The following CLCF1 variants were observed in gnomAD, a reference collection of about 807,000 sequenced individuals.
CLCF1 encodes cardiotrophin-like cytokine factor 1.
A neutral mutation model predicts 21.2 loss-of-function variants in CLCF1; 10 were observed. That is an observed-to-expected ratio of 0.47 (90% CI 0.29 to 0.80). CLCF1 has a LOEUF of 0.80. CLCF1 is among the 30% of genes least tolerant of loss of function. The pLI, the probability that CLCF1 is intolerant of heterozygous loss-of-function variation, is 0.09. For synonymous variants in CLCF1, 115 were observed against 120.5 expected, an observed-to-expected ratio of 0.95 and a Z score of 0.30; for missense variants, 240 against 293.4, an observed-to-expected ratio of 0.82 and a Z score of 1.33.
intron 1 of CLCF1, chr11:67,370,016 G>T: frequency 8.1e-6 from 8 of 985,402 alleles, no homozygotes; most frequent in South Asian, 4.7e-5. Context: ...CAGGCTGCGG[G>T]TGGGGGGCAG....
chr11:67,371,854 G>A (rs1359150978), intron 1 of CLCF1, among the ~76,000 whole-genome samples: 4 of 152,144 alleles, frequency 2.6e-5, no homozygotes, highest in African/African-American at 4.8e-5. Flanking sequence ...TGGCGTGCAG[G>A]GGTGGTGTGC....
rs750832975 is a variant in CLCF1, at chr11:67,365,371, G to C, written c.443C>G (p.Ala148Gly). 2 of 1,612,696 alleles carry C rather than the reference G, an allele frequency of 1.2e-6. No homozygotes were observed. The highest frequency in any genetic ancestry group is 1.7e-6 in the Non-Finnish European group (2 of 1,179,484). The part of the protein sequence containing the change: ...TSLQGLLGSI[A>G]GVMAALGYPL... ...GTAGCCCAGAGCTGCCATGACGCCC[G>C]CAATGCTGCCCAGCAGGCCCTGGAG... The change falls in exon 3 of 3, where the codon GCG (alanine) becomes GGG (glycine). Residue 148 changes from alanine (A) to glycine (G), a missense_variant. Transcript: ENST00000312438. This position sits in a 1 kb window ranked among gnomAD's most constrained non-coding sequence, Gnocchi z 5.0.
At chr11:67,369,923 G>A in intron 1 of CLCF1, 1 of 960,976 alleles carries the variant, frequency 1.0e-6, no homozygotes, top group African/African-American at 2.8e-5. Context: ...AGTCATCTGG[G>A]CAGAAAAAAA....
At chr11:67,373,955 G>A (rs976018092), upstream of CLCF1, 67 of 1,004,254 alleles carry the variant, frequency 6.7e-5, no homozygotes, top group African/African-American at 1.1e-3. Flanking sequence ...GGACAGCGCC[G>A]GCTTCGGGTG....
Position 67,373,546 on chromosome 11 carries a change from G to T in CLCF1, c.-7C>A. 7.1e-7 allele frequency: 1 copy of T among 1,402,754 alleles called. No homozygotes were observed. 86.9% of individuals were successfully genotyped at this position (1,402,754 alleles called of 1,614,324 possible). A position where few individuals can be genotyped will look rare whatever the true frequency, so the allele number is the denominator to read the frequency against. On this transcript the variant is annotated 5_prime_UTR_variant, in exon 1 of 3. Transcript: ENST00000312438. Reference sequence around the variant, plus strand: ...TACCTGCTCGGAGGTCCATGGGGCTGGGGCCGGGCCGGCCGGGTGCGGCTC... The same window carrying T: ...TACCTGCTCGGAGGTCCATGGGGCTTGGGCCGGGCCGGCCGGGTGCGGCTC...
chr11:67,364,888 TC>T lies in CLCF1; in HGVS notation c.*247del. 1.7e-6 allele frequency: 1 copy of T among 581,096 alleles called. No individual in the cohort carries two copies. The highest frequency in any genetic ancestry group is 3.0e-6 in the Non-Finnish European group (1 of 338,018). 36.0% of individuals were successfully genotyped at this position (581,096 alleles called of 1,614,324 possible). ...TGCACCAACCTGAACCACTTCACACTCCCTCGAGCATGACTTCCTGTAGAAA... is the reference window on the plus strand; with the variant it reads ...TGCACCAACCTGAACCACTTCACACTCCTCGAGCATGACTTCCTGTAGAAA... On this transcript the variant is annotated 3_prime_UTR_variant, in exon 3 of 3. Transcript: ENST00000312438.
intron 1 of CLCF1, among the ~76,000 whole-genome samples, chr11:67,371,847 C>T (rs546652706): frequency 2.3e-4 from 35 of 151,800 alleles, no homozygotes; most frequent in Admixed American, 1.4e-3. Flanking sequence ...GCAGGGGTGG[C>T]GTGCAGGGGT....
chr11:67,373,408 CCA>C, intron 1 of CLCF1, 114 bp downstream of exon 1: 1 of 523,028 alleles, frequency 1.9e-6, no homozygotes, highest in African/African-American at 2.0e-5. Context: ...CGGCCCGAGC[CCA>C]GCTCCCTGGC....
chr11:67,369,631 C>T (rs1862187716), intron 1 of CLCF1: 1 of 985,344 alleles, frequency 1.0e-6, no homozygotes, highest in Admixed American at 6.1e-5. Flanking sequence ...AGCGGCCCTC[C>T]CAGCCTTGAG....
intron 2 of CLCF1, 86 bp downstream of exon 2, chr11:67,367,374 T>C (rs754808699): frequency 5.2e-5 from 83 of 1,601,486 alleles, no homozygotes; most frequent in Non-Finnish European, 7.0e-5. Flanking sequence ...CACCCCATCA[T>C]TTACCAGAAC....
chr11:67,373,514 T>C lies in CLCF1; in HGVS notation c.16+10A>G. ...GGCGGGGGTCGGGGCCTCGGCCGCC[T>C]GGCTCCTACCTGCTCGGAGGTCCAT... is the stretch of plus-strand genomic sequence containing the variant. On this transcript the variant is annotated intron_variant, in intron 1 of 2. Coordinates refer to ENST00000312438, the MANE Select transcript of CLCF1 (RefSeq NM_013246.3). The C allele has an allele frequency of 1.4e-6, 2 of 1,403,112 alleles. No homozygotes were observed. The highest frequency in any genetic ancestry group is 2.5e-5 in the Admixed American group (1 of 39,672). 86.9% of individuals were successfully genotyped at this position (1,403,112 alleles called of 1,614,324 possible).
rs1262864652 is a variant in CLCF1 at position 67,372,539 on chromosome 11, G to T, written c.16+985C>A. Among the ~76,000 whole-genome samples the T allele has an allele frequency of 6.6e-6, 1 of 151,532 alleles. No homozygotes were observed. The highest frequency in any genetic ancestry group is 1.5e-5 in the Non-Finnish European group (1 of 67,770). On this transcript the variant is annotated intron_variant, in intron 1 of 2. Coordinates refer to ENST00000312438, the MANE Select transcript of CLCF1 (RefSeq NM_013246.3). This position sits in a 1 kb window ranked among gnomAD's most constrained non-coding sequence, Gnocchi z 5.9. Reference sequence around the variant, plus strand: ...CTCTCGCTCTGGGACCCCTCCCGGCGCTGCGCCTTCCCCCTGTGTGGCCTC... The same window carrying T: ...CTCTCGCTCTGGGACCCCTCCCGGCTCTGCGCCTTCCCCCTGTGTGGCCTC...
rs1359018434 is a variant in CLCF1, at chr11:67,367,497, T to A, written c.146A>T (p.Tyr49Phe). 1.2e-6 allele frequency: 2 copies of A among 1,614,208 alleles called. No homozygotes were observed. The highest frequency in any genetic ancestry group is 4.5e-5 in the East Asian group (2 of 44,892). ...SIQKTYDLTRYLEHQLRSLAG... is the reference protein window; with the variant it reads ...SIQKTYDLTRFLEHQLRSLAG... ...CAAGCTGCGGAGTTGGTGCTCCAGG[T>A]AGCGGGTGAGGTCATAGGTTTTCTG... The change falls in exon 2 of 3, where the codon TAC becomes TTC. Residue 49 changes from tyrosine (Y) to phenylalanine (F), a missense_variant. By Grantham distance (22) the Tyr-to-Phe change is conservative (BLOSUM62 3). Coordinates refer to ENST00000312438, the MANE Select transcript of CLCF1 (RefSeq NM_013246.3).
intron 1 of CLCF1, 86 bp downstream of exon 1, chr11:67,373,438 C>T: frequency 1.4e-6 from 1 of 723,994 alleles, no homozygotes; most frequent in Non-Finnish European, 2.1e-6. Context: ...CGGCGCGGGG[C>T]TCCCGGGGGT....
At chr11:67,370,123 G>A in intron 1 of CLCF1, 1 of 985,314 alleles carries the variant, frequency 1.0e-6, no homozygotes, top group Non-Finnish European at 1.2e-6. Flanking sequence ...AGAAAGGGGG[G>A]GTAGAAGGAC....
chr11:67,369,043 C>T (rs1364945023), intron 1 of CLCF1: 6 of 982,350 alleles, frequency 6.1e-6, no homozygotes, highest in Non-Finnish European at 7.2e-6. Flanking sequence ...AGGTATAACG[C>T]TTTGCCCATG....
intron 1 of CLCF1, chr11:67,368,070 G>A (rs959406692): frequency 1.0e-6 from 1 of 985,310 alleles, no homozygotes; most frequent in Admixed American, 6.1e-5. Flanking sequence ...GTGGGAGACA[G>A]CACATGTCAG....
intron 1 of CLCF1, chr11:67,370,119 G>A (rs193230914): frequency 6.1e-6 from 6 of 985,238 alleles, no homozygotes; most frequent in African/African-American, 1.7e-5. Flanking sequence ...GAAAAGAAAG[G>A]GGGGGTAGAA....
Position 67,367,447 on chromosome 11 carries a change from G to T in CLCF1, c.183+13C>A, listed in dbSNP as rs767157151. 6.2e-7 allele frequency: 1 copy of T among 1,614,042 alleles called. No individual in the cohort carries two copies. Among genetic ancestry groups the T allele is most frequent in the African/African-American group, 1.3e-5 (1 of 74,922 alleles). ...TCCTCCCCAACTCCCAGATTCCTAC[G>T]CTGGATACTCACATAGGTCCCAGCC... On this transcript the variant is annotated intron_variant, in intron 2 of 2. Transcript: ENST00000312438.
Sources: gnomAD v4.1 joint callset for allele counts (sites outside exome capture counted in the v4.1 genomes callset) on GRCh38, gnomAD v4.1.1 for gene constraint, Gnocchi (gnomAD v3.1) non-coding constraint, MANE v1.5 for transcripts, NCBI Gene and HGNC (gene_info 2026-07-23, HGNC 2026-07-21) for gene names.